The following GRID2 variants were observed in gnomAD, a reference collection of about 807,000 sequenced individuals.
GRID2 encodes the protein glutamate receptor ionotropic, delta-2.
In GRID2, 33 loss-of-function variants were observed where a neutral mutation model predicts 114.8. That is an observed-to-expected ratio of 0.29 (90% CI 0.22 to 0.38). The LOEUF (loss-of-function observed/expected upper bound fraction) is 0.38, where lower values mean the gene tolerates loss of function less well. Among genes scored for constraint, GRID2 ranks in the 10% least tolerant of loss-of-function variants. The pLI, the probability that GRID2 is intolerant of heterozygous loss-of-function variation, is 1.00. For synonymous variants in GRID2, 505 were observed against 449.9 expected (o/e 1.12, Z -1.55); for missense variants, 1,184 against 1,257.7 (o/e 0.94, Z 0.89).
intron 2 of GRID2, among the ~76,000 whole-genome samples, chr4:92,817,942 TAG>T (rs902553372): frequency 6.6e-6 from 1 of 152,174 alleles, no homozygotes; most frequent in African/African-American, 2.4e-5. Context: ...TTATAAGTGG[TAG>T]AGTCAGGCCA....
At chr4:93,264,047 A>G (rs1750538099) in intron 8 of GRID2, among the ~76,000 whole-genome samples, 2 of 152,178 alleles carry the variant, frequency 1.3e-5, no homozygotes, top group African/African-American at 4.8e-5. Context: ...TGTCTTTTGC[A>G]ATGCTATTAA....
chr4:93,271,097 A>G (rs1579497601), intron 8 of GRID2, among the ~76,000 whole-genome samples: 2 of 152,310 alleles, frequency 1.3e-5, no homozygotes, highest in East Asian at 3.9e-4. Context: ...GAAATTATAT[A>G]TGTGTCCCAT....
intron 11 of GRID2, among the ~76,000 whole-genome samples, chr4:93,480,170 G>T (rs1725712507): frequency 6.6e-6 from 1 of 151,970 alleles, no homozygotes. Flanking sequence ...AGCTATAGTA[G>T]AACTGACTGA....
chr4:92,839,207 AC>A, intron 2 of GRID2, among the ~76,000 whole-genome samples: 1 of 151,026 alleles, frequency 6.6e-6, no homozygotes, highest in Non-Finnish European at 1.5e-5. Flanking sequence ...AATTTGGTAA[AC>A]ATGACTTGGT....
At chr4:92,339,790 C>T (rs1011810272) in intron 1 of GRID2, among the ~76,000 whole-genome samples, 1 of 152,112 alleles carries the variant, frequency 6.6e-6, no homozygotes, top group East Asian at 1.9e-4. Context: ...AAATAAAACT[C>T]GAAGAAGTTC....
chr4:93,552,871 A>G (rs1042210821), intron 13 of GRID2, among the ~76,000 whole-genome samples: 3 of 134,972 alleles, frequency 2.2e-5, no homozygotes, highest in African/African-American at 8.4e-5. Flanking sequence ...TTTATGAGTG[A>G]GAACATATGG....
intron 8 of GRID2, among the ~76,000 whole-genome samples, chr4:93,293,254 A>G (rs1483907019): frequency 6.6e-6 from 1 of 152,192 alleles, no homozygotes; most frequent in African/African-American, 2.4e-5. Flanking sequence ...GGTGTTCTCC[A>G]CCAGTCACAG....
At chr4:92,870,357 G>A (rs922934054) in intron 2 of GRID2, among the ~76,000 whole-genome samples, 2 of 151,588 alleles carry the variant, frequency 1.3e-5, no homozygotes, top group Non-Finnish European at 2.9e-5. Flanking sequence ...AGCTCCATAA[G>A]GACAGCACTT....
chr4:92,415,273 T>G (rs1033480944), intron 1 of GRID2, among the ~76,000 whole-genome samples: 2 of 152,072 alleles, frequency 1.3e-5, no homozygotes, highest in African/African-American at 2.4e-5. Context: ...TAGAGATAAT[T>G]ACATTAAACT....
At chr4:92,897,603 A>G (rs1370578546) in intron 2 of GRID2, among the ~76,000 whole-genome samples, 3 of 152,146 alleles carry the variant, frequency 2.0e-5, no homozygotes, top group African/African-American at 7.2e-5. Context: ...TAAACAGAAA[A>G]TCTTTCACTG....
At chr4:92,644,263 A>G (rs537527376) in intron 2 of GRID2, among the ~76,000 whole-genome samples, 2 of 151,950 alleles carry the variant, frequency 1.3e-5, no homozygotes, top group South Asian at 4.1e-4. Flanking sequence ...ATTAAATGAT[A>G]CAACATATAA....
intron 2 of GRID2, among the ~76,000 whole-genome samples, chr4:93,014,780 TAC>T (rs1722517497): frequency 6.6e-6 from 1 of 152,140 alleles, no homozygotes; most frequent in African/African-American, 2.4e-5. Context: ...TGCACTGCGA[TAC>T]ACACACGTGC....
chr4:93,024,288 C>T (rs1560805373), intron 2 of GRID2, among the ~76,000 whole-genome samples: 3 of 151,654 alleles, frequency 2.0e-5, no homozygotes, highest in South Asian at 4.2e-4. Context: ...AGAGAAATTT[C>T]TGTTTATGAG....
chr4:93,626,153 C>A, intron 13 of GRID2, 116 bp from the exon 14 acceptor site: 1 of 596,912 alleles, frequency 1.7e-6, no homozygotes, highest in Non-Finnish European at 2.9e-6. Flanking sequence ...ATTATATGTT[C>A]TATTATTTTT....
chr4:93,194,909 G>A (rs531100889), intron 4 of GRID2, among the ~76,000 whole-genome samples: 18 of 152,262 alleles, frequency 1.2e-4, no homozygotes, highest in East Asian at 1.9e-4. Flanking sequence ...TGATTATAAC[G>A]TATGCTAAAC....
chr4:93,076,753 G>A (rs1578919210), intron 2 of GRID2, among the ~76,000 whole-genome samples: 2 of 151,578 alleles, frequency 1.3e-5, no homozygotes, highest in East Asian at 1.9e-4. Flanking sequence ...AAGTAGCTGG[G>A]ATTACAGGCA....
intron 1 of GRID2, among the ~76,000 whole-genome samples, chr4:92,405,321 T>C (rs11932395): frequency 0.03 from 4,538 of 152,272 alleles, 200 homozygotes; most frequent in African/African-American, 0.093. Context: ...GCACACAAAA[T>C]GTTAAAATGT....
At chr4:93,030,247 CCTTTTCTCCCG>C (rs1042581061) in intron 2 of GRID2, among the ~76,000 whole-genome samples, 1 of 152,058 alleles carries the variant, frequency 6.6e-6, no homozygotes, top group Non-Finnish European at 1.5e-5. Context: ...CTTCCTCTTT[CCTTTTCTCCCG>C]CTCTCCTTTC....
intron 2 of GRID2, among the ~76,000 whole-genome samples, chr4:92,681,275 C>A (rs1411482898): frequency 6.6e-6 from 1 of 152,066 alleles, no homozygotes; most frequent in Non-Finnish European, 1.5e-5. Context: ...AAAGGGAAAG[C>A]ATAAGGTGAT....
Sources: allele counts gnomAD v4.1 joint callset (sites outside exome capture counted in the v4.1 genomes callset), GRCh38; gene constraint gnomAD v4.1.1; transcripts MANE v1.5; gene names NCBI Gene and HGNC (gene_info 2026-07-23, HGNC 2026-07-21).